The following NSMAF variants were observed in gnomAD, a reference collection of about 807,000 sequenced individuals.
NSMAF encodes neutral sphingomyelinase activation associated factor, also known as protein FAN.
In NSMAF, 90 loss-of-function variants were observed where a neutral mutation model predicts 134.9. That is an observed-to-expected ratio of 0.67 (90% confidence interval 0.56 to 0.79). The LOEUF is 0.79. NSMAF is among the 30% of genes least tolerant of loss of function. The probability of loss-of-function intolerance (pLI) is 0.00; values close to 1 mark genes in which losing one functional copy is unlikely to be tolerated. For synonymous variants in NSMAF, 358 were observed against 389.6 expected (o/e 0.92, Z 0.96); for missense variants, 1,010 against 1,119.0 (o/e 0.90, Z 1.39).
At chr8:58,655,815 G>T (rs933885301) in intron 1 of NSMAF, among the ~76,000 whole-genome samples, 1 of 151,782 alleles carries the variant, frequency 6.6e-6, no homozygotes, top group Non-Finnish European at 1.5e-5. Flanking sequence ...GCTGAGGCAG[G>T]AGAATGGCGT....
chr8:58,657,424 C>T (rs1311151743), intron 1 of NSMAF, among the ~76,000 whole-genome samples: 2 of 152,188 alleles, frequency 1.3e-5, no homozygotes, highest in African/African-American at 4.8e-5. Flanking sequence ...TAACAATTTT[C>T]CTGGGTATGC....
At chr8:58,643,181 A>C in intron 1 of NSMAF, 108 bp from the exon 2 acceptor site, 1 of 789,606 alleles carries the variant, frequency 1.3e-6, no homozygotes, top group Non-Finnish European at 2.2e-6. Flanking sequence ...CTTGAATTTA[A>C]CAAACATTTA....
Position 58,583,759 on chromosome 8 carries a change from T to G in NSMAF, c.*347A>C, listed in dbSNP as rs999158352. On this transcript the variant is annotated 3_prime_UTR_variant, in exon 31 of 31. Transcript: ENST00000038176. Reference sequence around the variant, plus strand: ...GAATACTGCACATTTTCTTGGAAAATTTCTTAATTGTTCAGTGCTTTCTGA... The same window carrying G: ...GAATACTGCACATTTTCTTGGAAAAGTTCTTAATTGTTCAGTGCTTTCTGA... 1 of 265,818 alleles carries G rather than the reference T, an allele frequency of 3.8e-6. No homozygotes were observed. Among genetic ancestry groups the G allele is most frequent in the African/African-American group, 2.3e-5 (1 of 43,216 alleles). 16.5% of individuals were successfully genotyped at this position (265,818 alleles called of 1,614,324 possible). A position where few individuals can be genotyped will look rare whatever the true frequency, so the allele number is the denominator to read the frequency against.
rs143817244 is a variant in NSMAF at position 58,589,491 on chromosome 8, G to A, written c.2172C>T (p.Asp724=). 1.5e-5 allele frequency: 23 copies of A among 1,560,728 alleles called. No individual in the cohort carries two copies. The African/African-American group carries it at 3.2e-4, about 22-fold the overall frequency. The change falls in exon 26 of 31, where the codon GAC becomes GAT. Residue 724 remains aspartate, a synonymous_variant. Transcript: ENST00000038176. The stretch of plus-strand genomic sequence containing the variant: ...CCCACGATGCAGAATATAGCCTGTT[G>A]TCATGCCAACAGATCTTACTAACAG... The part of the protein sequence containing the change: ...DDAVSKICWH[D]NRLYSASWDS...
At chr8:58,648,962 T>G (rs1329215083) in intron 1 of NSMAF, among the ~76,000 whole-genome samples, 1 of 152,210 alleles carries the variant, frequency 6.6e-6, no homozygotes, top group African/African-American at 2.4e-5. Context: ...CAAGTGGAGT[T>G]ATGAGAAGGG....
chr8:58,643,548 T>C (rs966366317), intron 1 of NSMAF, among the ~76,000 whole-genome samples: 4 of 149,800 alleles, frequency 2.7e-5, no homozygotes, highest in African/African-American at 9.8e-5. Flanking sequence ...TTTTTTTTTT[T>C]TGGGACGGAG....
At position 58,601,544 on chromosome 8, in the gene NSMAF, C is replaced by CAAAAAA; in HGVS notation, c.1126-10_1126-9insTTTTTT. On this transcript the variant is annotated splice_polypyrimidine_tract_variant and intron_variant, in intron 14 of 30. Transcript: ENST00000038176. ...ATTTCCTGGTAGCGTGTCTAGAATA[C>CAAAAAA]AGAAAAAAAAAAAAAATAGAGCTAA... 9 of 911,184 alleles carry CAAAAAA rather than the reference C, an allele frequency of 9.9e-6. No individual in the cohort carries two copies. Among genetic ancestry groups the CAAAAAA allele is most frequent in the Admixed American group, 6.0e-5 (1 of 16,546 alleles). The allele number at this position is 911,184 out of a possible 1,614,324, so 56.4% of individuals were successfully genotyped here. A position where few individuals can be genotyped will look rare whatever the true frequency, so the allele number is the denominator to read the frequency against.
intron 1 of NSMAF, among the ~76,000 whole-genome samples, chr8:58,653,798 A>ATT (rs1041289543): frequency 6.6e-6 from 1 of 152,190 alleles, no homozygotes; most frequent in African/African-American, 2.4e-5. Flanking sequence ...GACCATTCCT[A>ATT]TTTTATATCA....
chr8:58,588,563 A>C lies in NSMAF; in HGVS notation c.2212-862T>G, dbSNP rs547365738. On this transcript the variant is annotated intron_variant, in intron 26 of 30. Coordinates refer to ENST00000038176, the MANE Select transcript of NSMAF (RefSeq NM_003580.4). ...CTCACACAGTAATGTAGCTTCACAT[A>C]CAGCTTGGGAAGCAAATAGGCATCA... 8.0e-6 allele frequency: 10 copies of C among 1,248,514 alleles called. No homozygotes were observed. In the South Asian group the frequency reaches 1.2e-4, roughly 15 times the overall value. 77.3% of individuals were successfully genotyped at this position (1,248,514 alleles called of 1,614,324 possible).
chr8:58,589,984 G>A (rs778588977), intron 25 of NSMAF, 23 bp downstream of exon 25: 8 of 1,605,308 alleles, frequency 5.0e-6, no homozygotes, highest in African/African-American at 1.3e-5. Context: ...TCGAATCACA[G>A]AGCAGGGTGC....
chr8:58,596,930 CA>C (rs538263469), intron 21 of NSMAF, among the ~76,000 whole-genome samples: 8,925 of 64,374 alleles, frequency 0.14, 690 homozygotes, highest in African/African-American at 0.33. Flanking sequence ...GACTCCGTCT[CA>C]AAAAAAAAAA....
Position 58,595,670 on chromosome 8 carries a change from G to C in NSMAF, c.1793-11C>G, listed in dbSNP as rs777900609. The C allele has an allele frequency of 4.4e-6, 7 of 1,584,128 alleles. No individual in the cohort carries two copies. Among genetic ancestry groups the C allele is most frequent in the Non-Finnish European group, 6.1e-6 (7 of 1,156,388 alleles). On this transcript the variant is annotated splice_polypyrimidine_tract_variant and intron_variant, in intron 21 of 30. Transcript: ENST00000038176. The stretch of plus-strand genomic sequence containing the variant: ...CAAAAGACTCTTCACCTGGAGAGAC[G>C]ACATTAAATTTTTGCTAAGTCAACT...
chr8:58,648,159 A>T (rs1187249464), intron 1 of NSMAF, among the ~76,000 whole-genome samples: 1 of 152,228 alleles, frequency 6.6e-6, no homozygotes, highest in East Asian at 1.9e-4. Context: ...ACTTGGCTGC[A>T]TTTGTGTCCA....
intron 9 of NSMAF, among the ~76,000 whole-genome samples, chr8:58,610,010 T>C (rs986584145): frequency 6.6e-6 from 1 of 152,154 alleles, no homozygotes; most frequent in Non-Finnish European, 1.5e-5. Context: ...GCTAAACTCA[T>C]TCCCCCCAAA....
intron 6 of NSMAF, among the ~76,000 whole-genome samples, chr8:58,626,091 C>CGTTTTTTTTTTTTTTTTT (rs1563537415): frequency 1.0e-5 from 1 of 99,370 alleles, no homozygotes; most frequent in Non-Finnish European, 1.9e-5. Flanking sequence ...TTATATAATT[C>CGTTTTTTTTTTTTTTTTT]TTTTTTTTTT....
At chr8:58,639,515 T>C (rs1284796449) in intron 2 of NSMAF, among the ~76,000 whole-genome samples, 3 of 152,146 alleles carry the variant, frequency 2.0e-5, no homozygotes, top group Non-Finnish European at 2.9e-5. Flanking sequence ...GGAATATGAA[T>C]TGGTTTAGCC....
chr8:58,644,151 G>A (rs1402853805), intron 1 of NSMAF, among the ~76,000 whole-genome samples: 1 of 152,194 alleles, frequency 6.6e-6, no homozygotes, highest in East Asian at 1.9e-4. Context: ...TGGGCCTTAA[G>A]TTCCAGTGTG....
chr8:58,610,305 C>T (rs1290138313), intron 9 of NSMAF, among the ~76,000 whole-genome samples: 2 of 152,190 alleles, frequency 1.3e-5, no homozygotes, highest in East Asian at 3.8e-4. Flanking sequence ...AACAAAGTCC[C>T]TTCTCATTCT....
At chr8:58,652,070 A>C (rs1342153334) in intron 1 of NSMAF, among the ~76,000 whole-genome samples, 2 of 152,166 alleles carry the variant, frequency 1.3e-5, no homozygotes, top group Non-Finnish European at 2.9e-5. Context: ...TTGGACTTGG[A>C]TCAGAGAACA....
Sources: allele counts gnomAD v4.1 joint callset (sites outside exome capture counted in the v4.1 genomes callset), GRCh38; gene constraint gnomAD v4.1.1; transcripts MANE v1.5; gene names NCBI Gene and HGNC (gene_info 2026-07-23, HGNC 2026-07-21).